RFX3: variants seen among roughly 807,000 people sequenced by gnomAD.
RFX3 encodes the protein transcription factor RFX3.
RFX3 carries 14 observed loss-of-function variants against 98.6 expected under a neutral mutation model. The observed-to-expected ratio is 0.14, with a 90% CI of 0.09 to 0.22. The LOEUF is 0.22. Among genes scored for constraint, RFX3 ranks in the 10% least tolerant of loss-of-function variants. The pLI, the probability that RFX3 is intolerant of heterozygous loss-of-function variation, is 1.00. For missense variants in RFX3, 639 were observed against 926.9 expected, an observed-to-expected ratio of 0.69 and a Z score of 4.03; for synonymous variants, 383 against 328.4, an observed-to-expected ratio of 1.17 and a Z score of -1.80.
chr9:3,387,824 C>A (rs1401591609), intron 2 of RFX3, among the ~76,000 whole-genome samples: 1 of 151,970 alleles, frequency 6.6e-6, no homozygotes, highest in South Asian at 2.1e-4. Flanking sequence ...ATAATGGTCT[C>A]AAATGAAAAG....
chr9:3,452,598 T>C (rs1050434849), intron 1 of RFX3, among the ~76,000 whole-genome samples: 2 of 152,128 alleles, frequency 1.3e-5, no homozygotes, highest in African/African-American at 4.8e-5. Context: ...TAAATTCATG[T>C]TAACACCATA....
intron 1 of RFX3, among the ~76,000 whole-genome samples, chr9:3,505,223 T>C (rs568328421): frequency 4.5e-5 from 2 of 44,222 alleles, no homozygotes; most frequent in Non-Finnish European, 6.8e-5. Flanking sequence ...AATATATATT[T>C]ATATATGAAT....
chr9:3,409,114 T>C (rs375259536), intron 1 of RFX3, among the ~76,000 whole-genome samples: 2 of 152,238 alleles, frequency 1.3e-5, no homozygotes, highest in Non-Finnish European at 2.9e-5. Flanking sequence ...GGCCTACCCA[T>C]GTAATATTCT....
intron 13 of RFX3, among the ~76,000 whole-genome samples, chr9:3,258,395 C>T (rs1822413415): frequency 6.6e-6 from 1 of 152,076 alleles, no homozygotes; most frequent in East Asian, 1.9e-4. Context: ...CCATTATCTC[C>T]ATCTTCTAGT....
chr9:3,510,321 T>C (rs1817545670), intron 1 of RFX3, among the ~76,000 whole-genome samples: 1 of 151,726 alleles, frequency 6.6e-6, no homozygotes, highest in Non-Finnish European at 1.5e-5. Context: ...GATCATTTCT[T>C]GCCCCCCCCA....
chr9:3,430,341 G>T (rs1390505826), intron 1 of RFX3, among the ~76,000 whole-genome samples: 1 of 152,112 alleles, frequency 6.6e-6, no homozygotes, highest in African/African-American at 2.4e-5. Context: ...AGAAAGCATA[G>T]ATCCCAGTTA....
intron 2 of RFX3, among the ~76,000 whole-genome samples, chr9:3,363,995 C>T (rs1010390830): frequency 3.9e-5 from 6 of 152,352 alleles, no homozygotes; most frequent in African/African-American, 1.2e-4. Flanking sequence ...CCTGTCTCAG[C>T]CTTCTGAGTA....
intron 2 of RFX3, among the ~76,000 whole-genome samples, chr9:3,385,417 A>G (rs1250353215): frequency 6.6e-6 from 1 of 152,164 alleles, no homozygotes; most frequent in Non-Finnish European, 1.5e-5. Flanking sequence ...TCTGTTGAAG[A>G]AGAAAACTCT....
In RFX3 at chr9:3,457,139, CAAAAAAAAAAAAA is replaced by C. The variant is rs1169959832; in HGVS notation, c.-8-61556_-8-61544del. Among the ~76,000 whole-genome samples the C allele has an allele frequency of 9.0e-3, 206 of 22,830 alleles. 3 individuals carry two copies. The highest frequency in any genetic ancestry group is 0.032 in the African/African-American group (186 of 5,814). The allele number at this position is 22,830 out of a possible 152,430, so 15.0% of individuals were successfully genotyped here. On this transcript the variant is annotated intron_variant, in intron 1 of 16. Transcript: ENST00000617270. ...CTGGCAACAGGGCGAGACTCCATCT[CAAAAAAAAAAAAA>C]AAAAAAAAAAAAAAAAAAGAAAAGA... is the stretch of plus-strand genomic sequence containing the variant.
At chr9:3,393,508 G>C (rs1406352570) in intron 2 of RFX3, among the ~76,000 whole-genome samples, 1 of 152,048 alleles carries the variant, frequency 6.6e-6, no homozygotes, top group African/African-American at 2.4e-5. Flanking sequence ...GAAAACCAGA[G>C]TGAGTTAAAT....
At chr9:3,290,839 A>T (rs1827239023) in intron 6 of RFX3, among the ~76,000 whole-genome samples, 1 of 152,178 alleles carries the variant, frequency 6.6e-6, no homozygotes, top group Non-Finnish European at 1.5e-5. Flanking sequence ...GGTTTAGGAC[A>T]TGCTATCCCA....
chr9:3,283,033 T>C (rs1456988926), intron 7 of RFX3, among the ~76,000 whole-genome samples: 1 of 151,818 alleles, frequency 6.6e-6, no homozygotes, highest in Non-Finnish European at 1.5e-5. Context: ...TACTATAGTT[T>C]GGTAGTTATT....
At position 3,281,627 on chromosome 9, in the gene RFX3, T is replaced by C. The variant is rs186548282; in HGVS notation, c.852-4166A>G. 2.0e-5 allele frequency among the ~76,000 whole-genome samples: 3 copies of C among 151,858 alleles called. No individual in the cohort carries two copies. In the East Asian group the frequency reaches 5.8e-4, roughly 29 times the overall value. ...TTTTAACAGCTTGCAACTCAATGGG[T>C]AATCAGTGCTAAAGTTGTTAATGAT... On this transcript the variant is annotated intron_variant, in intron 7 of 16. Transcript: ENST00000617270.
chr9:3,389,035 C>A (rs529491085), intron 2 of RFX3, among the ~76,000 whole-genome samples: 1 of 152,194 alleles, frequency 6.6e-6, no homozygotes, highest in African/African-American at 2.4e-5. Context: ...GAGCCATGGT[C>A]AAGATGGCTT....
At position 3,329,424 on chromosome 9, in the gene RFX3, A is replaced by C. The variant is rs925318326; in HGVS notation, c.474+835T>G. The stretch of plus-strand genomic sequence containing the variant: ...CTTCATCTCAAAAAAAAAAAAAAAA[A>C]AAAACAAAAAACCACCAAACAATAA... On this transcript the variant is annotated intron_variant, in intron 4 of 16. Coordinates refer to ENST00000617270, the MANE Select transcript of RFX3 (RefSeq NM_001282116.2). 5.3e-4 allele frequency among the ~76,000 whole-genome samples: 79 copies of C among 150,228 alleles called. 1 individual carries two copies. In the East Asian group the frequency reaches 0.012, roughly 24 times the overall value.
intron 16 of RFX3, among the ~76,000 whole-genome samples, chr9:3,227,664 T>C (rs1586643809): frequency 6.6e-6 from 1 of 152,192 alleles, no homozygotes. Flanking sequence ...GTTATGAGGC[T>C]TTGGTGTGAG....
chr9:3,248,693 T>C (rs996436549), intron 14 of RFX3, among the ~76,000 whole-genome samples: 1 of 152,146 alleles, frequency 6.6e-6, no homozygotes, highest in African/African-American at 2.4e-5. Context: ...ATACAGAGTA[T>C]AGGCAAGTAC....
At chr9:3,513,346 TTC>T (rs1817826537) in intron 1 of RFX3, among the ~76,000 whole-genome samples, 1 of 152,176 alleles carries the variant, frequency 6.6e-6, no homozygotes, top group African/African-American at 2.4e-5. Flanking sequence ...GAAATGATAT[TTC>T]TTTTTCTCTA....
In RFX3 at chr9:3,481,489, A is replaced by T. The variant is rs535147075; in HGVS notation, c.-9+44258T>A. Among the ~76,000 whole-genome samples the T allele has an allele frequency of 2.6e-3, 388 of 152,082 alleles. 2 individuals carry two copies. The highest frequency in any genetic ancestry group is 8.7e-3 in the African/African-American group (362 of 41,494). ...CCCATCTGAAAAGTACATTTTTTAA[A>T]AAAAAAAATCTAATATTTAACCTAT... On this transcript the variant is annotated intron_variant, in intron 1 of 16. Transcript: ENST00000617270.
Sources: allele counts gnomAD v4.1 joint callset (sites outside exome capture counted in the v4.1 genomes callset), GRCh38; gene constraint gnomAD v4.1.1; transcripts MANE v1.5; gene names NCBI Gene and HGNC (gene_info 2026-07-23, HGNC 2026-07-21).